SPATA6: variants seen among roughly 807,000 people sequenced by gnomAD.
The protein encoded by SPATA6 is spermatogenesis-associated protein 6.
A neutral mutation model predicts 65.3 loss-of-function variants in SPATA6; 56 were observed. That is an observed-to-expected ratio of 0.86 (90% CI 0.69 to 1.07). SPATA6 has a LOEUF of 1.07. Ranked by LOEUF, SPATA6 falls within the 50% of genes least tolerant of loss-of-function variation. The pLI, the probability that SPATA6 is intolerant of heterozygous loss-of-function variation, is 0.00. For synonymous variants in SPATA6, 199 were observed against 213.2 expected (o/e 0.93, Z 0.58); for missense variants, 590 against 594.8 (o/e 0.99, Z 0.08).
rs574649626 is a variant in SPATA6 at position 48,298,591 on chromosome 1, A to G, written c.*122T>C. 8.0e-6 allele frequency: 7 copies of G among 870,852 alleles called. No individual in the cohort carries two copies. Among genetic ancestry groups the G allele is most frequent in the South Asian group, 7.5e-5 (3 of 39,808 alleles). The allele number at this position is 870,852 out of a possible 1,614,324, so 53.9% of individuals were successfully genotyped here. On this transcript the variant is annotated 3_prime_UTR_variant, in exon 13 of 13. Transcript: ENST00000371847. ...TTTGAAGTAATGAACTTATTCAAGT[A>G]TAACTATTGTACTTAGTTATAATCC...
chr1:48,395,277 C>T lies in SPATA6; in HGVS notation c.858G>A (p.Arg286=), dbSNP rs771482436. The T allele has an allele frequency of 1.3e-6, 2 of 1,563,538 alleles. No homozygotes were observed. The highest frequency in any genetic ancestry group is 4.8e-5 in the East Asian group (2 of 42,020). The change falls in exon 8 of 13, where the codon AGG becomes AGA. Residue 286 remains arginine (R), a synonymous_variant. Coordinates refer to ENST00000371847, the MANE Select transcript of SPATA6 (RefSeq NM_019073.4). ...CAACTTCTAGCTTACCATTGTGCAC[C>T]CTTGACCATCCATCTCTTTCACAGT... ...GRDCERDGWS[R]VHNDHSHLGC...
intron 11 of SPATA6, among the ~76,000 whole-genome samples, chr1:48,318,816 T>C (rs919085501): frequency 2.0e-5 from 3 of 152,104 alleles, no homozygotes; most frequent in African/African-American, 7.2e-5. Flanking sequence ...GAATAGTTAT[T>C]CTTGAAAAAG....
At chr1:48,467,700 C>A (rs1398516875) in intron 1 of SPATA6, among the ~76,000 whole-genome samples, 1 of 152,026 alleles carries the variant, frequency 6.6e-6, no homozygotes, top group African/African-American at 2.4e-5. Flanking sequence ...AGGACCCAAA[C>A]TCAATAGCAA....
intron 11 of SPATA6, among the ~76,000 whole-genome samples, chr1:48,333,176 C>G (rs1362922706): frequency 6.6e-6 from 1 of 152,162 alleles, no homozygotes; most frequent in African/African-American, 2.4e-5. Context: ...CAATCATCTA[C>G]CAGTGCGGCT....
At chr1:48,278,113 C>T in the SPATA6 span, among the ~76,000 whole-genome samples, 1 of 152,214 alleles carries the variant, frequency 6.6e-6, no homozygotes, top group African/African-American at 2.4e-5. Flanking sequence ...AGACCTGCAG[C>T]TGAGGGTCCT....
At chr1:48,359,383 T>TA (rs1171212426) in intron 10 of SPATA6, among the ~76,000 whole-genome samples, 3 of 152,230 alleles carry the variant, frequency 2.0e-5, no homozygotes, top group African/African-American at 7.2e-5. Context: ...ATCTGGTTAA[T>TA]AAACTCACAT....
At chr1:48,285,916 T>G in the SPATA6 span, among the ~76,000 whole-genome samples, 1 of 152,208 alleles carries the variant, frequency 6.6e-6, no homozygotes, top group South Asian at 2.1e-4. Flanking sequence ...AACATCTTTT[T>G]TTGAGGAGAC....
chr1:48,455,526 A>G (rs556650100), intron 1 of SPATA6, among the ~76,000 whole-genome samples: 1 of 151,782 alleles, frequency 6.6e-6, no homozygotes, highest in East Asian at 1.9e-4. Context: ...GACTACAGGC[A>G]CCCGCCACCA....
chr1:48,313,288 C>A (rs934367574), intron 11 of SPATA6, among the ~76,000 whole-genome samples: 26 of 152,142 alleles, frequency 1.7e-4, no homozygotes, highest in African/African-American at 6.0e-4. Context: ...TAAGGGCAGC[C>A]AGAGAGAAAG....
At chr1:48,358,640 C>T (rs942989271) in intron 10 of SPATA6, among the ~76,000 whole-genome samples, 6 of 152,046 alleles carry the variant, frequency 3.9e-5, no homozygotes, top group Non-Finnish European at 5.9e-5. Context: ...GCAGAAAAAC[C>T]GCTCTTCCAG....
chr1:48,413,960 C>A (rs886253628), intron 3 of SPATA6, among the ~76,000 whole-genome samples: 2 of 152,158 alleles, frequency 1.3e-5, no homozygotes, highest in African/African-American at 4.8e-5. Flanking sequence ...TGTCTGCTTA[C>A]AAGATAAATT....
chr1:48,426,923 T>C (rs900622518), intron 3 of SPATA6, among the ~76,000 whole-genome samples: 6 of 151,274 alleles, frequency 4.0e-5, no homozygotes, highest in African/African-American at 1.5e-4. Flanking sequence ...AAAAAGTCAG[T>C]TCAATCTTTT....
At chr1:48,405,322 T>C (rs1470018011) in intron 5 of SPATA6, among the ~76,000 whole-genome samples, 1 of 152,214 alleles carries the variant, frequency 6.6e-6, no homozygotes, top group Non-Finnish European at 1.5e-5. Flanking sequence ...ACAAAACAAA[T>C]TACCTTGAAA....
chr1:48,388,183 G>A (rs1649684454), intron 8 of SPATA6, among the ~76,000 whole-genome samples: 1 of 152,006 alleles, frequency 6.6e-6, no homozygotes, highest in Non-Finnish European at 1.5e-5. Flanking sequence ...GCCTCCACTA[G>A]TAATTGCACA....
intron 1 of SPATA6, among the ~76,000 whole-genome samples, chr1:48,459,615 A>G (rs896139089): frequency 6.6e-6 from 1 of 152,296 alleles, no homozygotes; most frequent in African/African-American, 2.4e-5. Context: ...CCTAAATGAC[A>G]TTTACAGAGT....
intron 11 of SPATA6, among the ~76,000 whole-genome samples, chr1:48,353,127 T>A (rs1646558536): frequency 6.6e-6 from 1 of 151,872 alleles, no homozygotes; most frequent in African/African-American, 2.4e-5. Flanking sequence ...AATATGTGAT[T>A]AAAATAAGTG....
chr1:48,421,660 C>A (rs904943209), intron 3 of SPATA6, among the ~76,000 whole-genome samples: 1 of 151,884 alleles, frequency 6.6e-6, no homozygotes, highest in Non-Finnish European at 1.5e-5. Context: ...TCAACCCCAC[C>A]TTCCCTTAAA....
Position 48,438,066 on chromosome 1 carries a change from G to A in SPATA6, c.238+13486C>T, listed in dbSNP as rs367930936. Among the ~76,000 whole-genome samples, 21 of 152,134 alleles carry A rather than the reference G, an allele frequency of 1.4e-4. 1 individual carries two copies. Among genetic ancestry groups the A allele is most frequent in the African/African-American group, 5.1e-4 (21 of 41,434 alleles). On this transcript the variant is annotated intron_variant, in intron 3 of 12. Coordinates refer to ENST00000371847, the MANE Select transcript of SPATA6 (RefSeq NM_019073.4). ...CAAAAGGTGGCCACCCCAGCCAGCA[G>A]CGGCAACCCGCTCAGGTCCCCTTCC...
chr1:48,287,604 T>G, the SPATA6 span, among the ~76,000 whole-genome samples: 1 of 152,212 alleles, frequency 6.6e-6, no homozygotes, highest in Non-Finnish European at 1.5e-5. Context: ...CTGGGGCCTC[T>G]CCCTTCTCTC....
Sources: allele counts gnomAD v4.1 joint callset (sites outside exome capture counted in the v4.1 genomes callset), GRCh38; gene constraint gnomAD v4.1.1; transcripts MANE v1.5; gene names NCBI Gene and HGNC (gene_info 2026-07-23, HGNC 2026-07-21).